SLMAP: variants seen among roughly 807,000 people sequenced by gnomAD.
SLMAP encodes the protein sarcolemma associated protein.
In SLMAP, 44 loss-of-function variants were observed where a neutral mutation model predicts 128.8. The ratio of observed to expected loss-of-function variants is 0.34; its 90% CI spans 0.27 to 0.44. The LOEUF (loss-of-function observed/expected upper bound fraction) is 0.44, where lower values mean the gene tolerates loss of function less well. Ranked by LOEUF, SLMAP falls within the 20% of genes least tolerant of loss-of-function variation. SLMAP has a pLI of 1.00. For missense variants in SLMAP, 787 were observed against 985.3 expected (o/e 0.80, Z 2.69); for synonymous variants, 327 against 348.8 (o/e 0.94, Z 0.70).
At chr3:57,809,269 G>A (rs887223919) in intron 2 of SLMAP, among the ~76,000 whole-genome samples, 10 of 152,308 alleles carry the variant, frequency 6.6e-5, no homozygotes, top group Non-Finnish European at 1.2e-4. Context: ...CCCTGCCCTC[G>A]CAGGCTTGGA....
At chr3:57,888,666 G>A (rs959791676) in intron 14 of SLMAP, among the ~76,000 whole-genome samples, 1 of 151,866 alleles carries the variant, frequency 6.6e-6, no homozygotes, top group African/African-American at 2.4e-5. Context: ...CTTGAGGATG[G>A]TAGTAGAAAA....
chr3:57,877,831 C>CTTTTTT (rs57685937), intron 14 of SLMAP, among the ~76,000 whole-genome samples: 36 of 111,628 alleles, frequency 3.2e-4, no homozygotes, highest in South Asian at 6.1e-4. Flanking sequence ...TTTTTTCCTT[C>CTTTTTT]TTTTTTTTTT....
At chr3:57,799,403 G>T (rs2087625873) in intron 2 of SLMAP, among the ~76,000 whole-genome samples, 1 of 152,196 alleles carries the variant, frequency 6.6e-6, no homozygotes, top group Non-Finnish European at 1.5e-5. Context: ...TAAGGTCAAA[G>T]AATTACTACC....
chr3:57,872,081 T>C (rs1055411098), intron 14 of SLMAP, among the ~76,000 whole-genome samples: 1 of 152,174 alleles, frequency 6.6e-6, no homozygotes, highest in Admixed American at 6.5e-5. Flanking sequence ...TAGCAGTAGA[T>C]TGTCCTACAA....
At chr3:57,853,958 TATATATATATATATATATATATATA>T (rs2094612204) in intron 6 of SLMAP, among the ~76,000 whole-genome samples, 10 of 51,846 alleles carry the variant, frequency 1.9e-4, no homozygotes, top group Middle Eastern at 9.4e-3. Context: ...AAAAAAATTA[TATATATATATATATATATATATATA>T]TATATATATA....
chr3:57,785,138 CAT>C (rs957828708), intron 2 of SLMAP, among the ~76,000 whole-genome samples: 1 of 152,258 alleles, frequency 6.6e-6, no homozygotes, highest in African/African-American at 2.4e-5. Context: ...ATTTAGCAAA[CAT>C]AAACGTTTAC....
intron 14 of SLMAP, 174 bp from the exon 15 acceptor site, chr3:57,889,867 C>T (rs892006759): frequency 2.4e-5 from 12 of 490,940 alleles, no homozygotes; most frequent in Middle Eastern, 2.8e-4. Context: ...GTGATTGCTC[C>T]GTCATAGTTC....
At position 57,913,249 on chromosome 3, in the gene SLMAP, G is replaced by C. The variant is rs1397769344; in HGVS notation, c.2112G>C (p.Leu704=). 6.4e-7 allele frequency: 1 copy of C among 1,567,230 alleles called. No individual in the cohort carries two copies. Among genetic ancestry groups the C allele is most frequent in the African/African-American group, 1.3e-5 (1 of 74,208 alleles). Residue 704 remains leucine, a synonymous_variant, in exon 21 of 25, where the codon CTG becomes CTC. Transcript: ENST00000671191. ...KRENVLLSSE[L]QRQEKELHNS... is the part of the protein sequence containing the mutation. The stretch of plus-strand genomic sequence containing the variant: ...AAAATGTTTTGCTATCATCAGAACT[G>C]CAACGGCAAGAAAAAGAATTGCACA...
At chr3:57,786,555 T>C (rs900688604) in intron 2 of SLMAP, among the ~76,000 whole-genome samples, 44 of 148,790 alleles carry the variant, frequency 3.0e-4, no homozygotes, top group African/African-American at 1.0e-3. Context: ...TATATAGCTT[T>C]TTTTTTTTTT....
chr3:57,883,066 G>C (rs1209525012), intron 14 of SLMAP, among the ~76,000 whole-genome samples: 1 of 152,120 alleles, frequency 6.6e-6, no homozygotes, highest in African/African-American at 2.4e-5. Flanking sequence ...AATCCACAGT[G>C]AGTGCCTGGT....
At chr3:57,776,251 A>G (rs891642654) in intron 2 of SLMAP, among the ~76,000 whole-genome samples, 17 of 152,202 alleles carry the variant, frequency 1.1e-4, no homozygotes, top group African/African-American at 3.9e-4. Context: ...GAAAATTTAT[A>G]TAATGTTTAT....
intron 2 of SLMAP, among the ~76,000 whole-genome samples, chr3:57,797,134 A>G (rs757605427): frequency 7.0e-6 from 1 of 143,774 alleles, no homozygotes; most frequent in Non-Finnish European, 1.5e-5. Flanking sequence ...GTGAGCTATG[A>G]TTGTACCACT....
intron 19 of SLMAP, among the ~76,000 whole-genome samples, chr3:57,911,330 T>A (rs369577879): frequency 6.6e-6 from 1 of 152,252 alleles, no homozygotes; most frequent in Admixed American, 6.5e-5. Context: ...TCTTAATGTT[T>A]ACTTATGTAG....
chr3:57,849,764 A>G lies in SLMAP; in HGVS notation c.467A>G (p.Asn156Ser). 1 of 1,570,404 alleles carries G rather than the reference A, an allele frequency of 6.4e-7. No homozygotes were observed. Among genetic ancestry groups the G allele is most frequent in the Non-Finnish European group, 8.8e-7 (1 of 1,140,288 alleles). Residue 156 changes from asparagine to serine, a missense_variant, in exon 6 of 25, where the codon AAC becomes AGC. This residue lies in a region of SLMAP where 715 missense variants were observed against 843.6 expected (regional missense o/e 0.85). Coordinates refer to ENST00000671191, the MANE Select transcript of SLMAP (RefSeq NM_001377540.1). ...GTCATTTGTTTCTAGGTTGCTGCTA[A>G]CACTCCAAGTATGTACTCTCAGGAA... ...LPSPVDKVAANTPSMYSQELF... is the reference protein window; with the variant it reads ...LPSPVDKVAASTPSMYSQELF...
Position 57,776,730 on chromosome 3 carries a change from T to C in SLMAP, c.198+18881T>C, listed in dbSNP as rs952937337. Among the ~76,000 whole-genome samples, 3 of 151,802 alleles carry C rather than the reference T, an allele frequency of 2.0e-5. No individual in the cohort carries two copies. In the South Asian group the frequency reaches 6.3e-4, roughly 32 times the overall value. On this transcript the variant is annotated intron_variant, in intron 2 of 24. Coordinates refer to ENST00000671191, the MANE Select transcript of SLMAP (RefSeq NM_001377540.1). ...TAGTAGAGACAGGGTTTCACCATGT[T>C]GGTCAGGCTATCTTGAACTCCTGAC...
At chr3:57,762,678 G>C (rs2078916882) in intron 2 of SLMAP, among the ~76,000 whole-genome samples, 1 of 148,638 alleles carries the variant, frequency 6.7e-6, no homozygotes, top group African/African-American at 2.5e-5. Flanking sequence ...CGGAAGTCAA[G>C]CTCTTCAAAT....
At chr3:57,778,394 C>A (rs2153455776) in intron 2 of SLMAP, among the ~76,000 whole-genome samples, 1 of 150,686 alleles carries the variant, frequency 6.6e-6, no homozygotes, top group South Asian at 2.1e-4. Context: ...TACACTTTGG[C>A]TAGAGATTTA....
At chr3:57,886,106 AT>A (rs112191414) in intron 14 of SLMAP, among the ~76,000 whole-genome samples, 140 of 129,958 alleles carry the variant, frequency 1.1e-3, no homozygotes, top group Non-Finnish European at 1.2e-3. Context: ...TAAAGATATA[AT>A]TTTTTTTTTT....
intron 23 of SLMAP, among the ~76,000 whole-genome samples, chr3:57,925,349 T>TC (rs1576511366): frequency 1.3e-5 from 2 of 150,130 alleles, no homozygotes; most frequent in South Asian, 2.1e-4. Context: ...TTTTTTTTTT[T>TC]CAACGGAGTC....
Sources: allele counts gnomAD v4.1 joint callset (sites outside exome capture counted in the v4.1 genomes callset), GRCh38; gene constraint gnomAD v4.1.1; regional missense constraint gnomAD v4.1.1; transcripts MANE v1.5; gene names NCBI Gene and HGNC (gene_info 2026-07-23, HGNC 2026-07-21).